Variants in CDK17 observed in about 807,000 individuals in gnomAD.
The protein encoded by CDK17 is cyclin-dependent kinase 17.
A neutral mutation model predicts 77.6 loss-of-function variants in CDK17; 24 were observed. The observed-to-expected ratio is 0.31, with a 90% CI of 0.22 to 0.44. The LOEUF (loss-of-function observed/expected upper bound fraction) is 0.44, where lower values mean the gene tolerates loss of function less well. Ranked by LOEUF, CDK17 falls within the 20% of genes least tolerant of loss-of-function variation. CDK17 has a pLI of 1.00. For missense variants in CDK17, 429 were observed against 622.5 expected, an observed-to-expected ratio of 0.69 and a Z score of 3.31; for synonymous variants, 203 against 210.4, an observed-to-expected ratio of 0.96 and a Z score of 0.30.
At chr12:96,321,927 T>C (rs1014151347) in intron 3 of CDK17, among the ~76,000 whole-genome samples, 8 of 149,370 alleles carry the variant, frequency 5.4e-5, no homozygotes, top group East Asian at 2.0e-4. Context: ...ACCTGCACAA[T>C]GTGCACATGT....
chr12:96,328,220 C>T (rs1469993107), intron 2 of CDK17, among the ~76,000 whole-genome samples: 1 of 152,104 alleles, frequency 6.6e-6, no homozygotes, highest in East Asian at 1.9e-4. Context: ...CTGTCACTGT[C>T]TCCCATCACC....
At chr12:96,308,252 A>AT (rs750453479) in intron 5 of CDK17, among the ~76,000 whole-genome samples, 1 of 143,496 alleles carries the variant, frequency 7.0e-6, no homozygotes, top group Non-Finnish European at 1.5e-5. Context: ...AAAAAAAAAA[A>AT]GTTTTTTAAT....
intron 1 of CDK17, chr12:96,387,308 T>C (rs117793710): frequency 0.019 from 3,105 of 165,834 alleles, 44 homozygotes; most frequent in Middle Eastern, 0.04. Context: ...GAGTGGTTCC[T>C]TCCCTTAACA....
intron 1 of CDK17, among the ~76,000 whole-genome samples, chr12:96,356,883 T>C (rs936980724): frequency 7.2e-5 from 11 of 152,228 alleles, no homozygotes; most frequent in African/African-American, 2.7e-4. Context: ...TAAATTAAAA[T>C]TCAAAATATA....
At chr12:96,394,589 C>G (rs566401974) in intron 1 of CDK17, among the ~76,000 whole-genome samples, 65 of 151,952 alleles carry the variant, frequency 4.3e-4, no homozygotes, top group Admixed American at 1.1e-3. Context: ...CCGAGGTGCA[C>G]AGATCACCTG....
chr12:96,393,354 C>CA (rs10633197), intron 1 of CDK17, among the ~76,000 whole-genome samples: 1,549 of 43,004 alleles, frequency 0.036, 68 homozygotes, highest in South Asian at 0.044. Context: ...GGCTCCGCCT[C>CA]AAAAAAAAAA....
intron 1 of CDK17, among the ~76,000 whole-genome samples, chr12:96,393,970 A>ACTTT (rs1218274475): frequency 6.6e-6 from 1 of 151,772 alleles, no homozygotes; most frequent in Non-Finnish European, 1.5e-5. Flanking sequence ...AGTATAGACC[A>ACTTT]GGTGCAGTGG....
intron 1 of CDK17, among the ~76,000 whole-genome samples, chr12:96,345,493 T>C (rs1012487318): frequency 6.6e-6 from 1 of 152,252 alleles, no homozygotes; most frequent in African/African-American, 2.4e-5. Flanking sequence ...GTATCTGTTG[T>C]TTCTTGACAT....
intron 1 of CDK17, among the ~76,000 whole-genome samples, chr12:96,374,372 T>G (rs1026641350): frequency 3.3e-5 from 5 of 152,184 alleles, no homozygotes; most frequent in Admixed American, 2.0e-4. Flanking sequence ...GGCCAACAGG[T>G]CATTCTTCAC....
intron 1 of CDK17, among the ~76,000 whole-genome samples, chr12:96,338,401 C>T (rs189753020): frequency 6.6e-5 from 10 of 152,312 alleles, no homozygotes; most frequent in Non-Finnish European, 8.8e-5. Context: ...ATGAGTCCTT[C>T]GAGCAAATCA....
At chr12:96,361,111 C>T (rs569097647) in intron 1 of CDK17, among the ~76,000 whole-genome samples, 7 of 152,304 alleles carry the variant, frequency 4.6e-5, no homozygotes, top group Admixed American at 1.3e-4. Flanking sequence ...AAGAAAACTA[C>T]GTGTCAAGAG....
rs370567719 is a variant in CDK17 at position 96,331,154 on chromosome 12, G to A, written c.118+3565C>T. ...GACGGGGTTTCACCGTGTTGGCCAG[G>A]CTAGTCTAGAACTCCTTACCTCCAG... On this transcript the variant is annotated intron_variant, in intron 2 of 16. Transcript: ENST00000261211. Among the ~76,000 whole-genome samples the A allele has an allele frequency of 1.5e-4, 23 of 152,300 alleles. No individual in the cohort carries two copies. In the East Asian group the frequency reaches 1.9e-3, roughly 13 times the overall value.
chr12:96,336,956 T>C (rs1592736709), intron 1 of CDK17, among the ~76,000 whole-genome samples: 1 of 152,234 alleles, frequency 6.6e-6, no homozygotes, highest in Non-Finnish European at 1.5e-5. Flanking sequence ...TTGATCTTTT[T>C]GTATGCTTAG....
At chr12:96,348,543 CAAA>C (rs1565830761) in intron 1 of CDK17, among the ~76,000 whole-genome samples, 2 of 113,352 alleles carry the variant, frequency 1.8e-5, no homozygotes, top group Non-Finnish European at 3.9e-5. Context: ...AAAAAAAAAA[CAAA>C]AAAGAAAAAA....
chr12:96,331,311 C>T (rs1047946065), intron 2 of CDK17, among the ~76,000 whole-genome samples: 1 of 152,204 alleles, frequency 6.6e-6, no homozygotes, highest in African/African-American at 2.4e-5. Flanking sequence ...AACTGATGGG[C>T]TCAAAATTCT....
chr12:96,290,589 C>T (rs1298597942), intron 10 of CDK17, among the ~76,000 whole-genome samples: 1 of 152,184 alleles, frequency 6.6e-6, no homozygotes, highest in Non-Finnish European at 1.5e-5. Context: ...ACAAGTTTTA[C>T]TCTAGCATCT....
intron 1 of CDK17, among the ~76,000 whole-genome samples, chr12:96,359,974 A>G (rs1375228501): frequency 6.6e-6 from 1 of 152,224 alleles, no homozygotes; most frequent in Non-Finnish European, 1.5e-5. Flanking sequence ...AGGAACAGAC[A>G]TAGTAATTAT....
In CDK17 at chr12:96,358,887, G is replaced by A. The variant is rs981700109; in HGVS notation, c.-29-24022C>T. 3.2e-5 allele frequency among the ~76,000 whole-genome samples: 4 copies of A among 123,330 alleles called. No homozygotes were observed. The Admixed American group carries it at 4.3e-4, about 13-fold the overall frequency. The allele number at this position is 123,330 out of a possible 152,430, so 80.9% of individuals were successfully genotyped here. On this transcript the variant is annotated intron_variant, in intron 1 of 16. Coordinates refer to ENST00000261211, the MANE Select transcript of CDK17 (RefSeq NM_002595.5). ...CCCAAAAAAGGGATATATGGCTAGAGTCAAAAGAGTGAATTTCTTTTTCCC... is the reference window on the plus strand; with the variant it reads ...CCCAAAAAAGGGATATATGGCTAGAATCAAAAGAGTGAATTTCTTTTTCCC...
intron 12 of CDK17, 27 bp from the exon 13 acceptor site, chr12:96,286,175 A>C (rs1194817538): frequency 1.8e-6 from 1 of 571,252 alleles, no homozygotes; most frequent in Non-Finnish European, 2.6e-6. Flanking sequence ...AATTAAATAT[A>C]TTTATAAATA....
Sources: allele counts gnomAD v4.1 joint callset (sites outside exome capture counted in the v4.1 genomes callset), GRCh38; gene constraint gnomAD v4.1.1; transcripts MANE v1.5; gene names NCBI Gene and HGNC (gene_info 2026-07-23, HGNC 2026-07-21).